PXK: variants seen among roughly 807,000 people sequenced by gnomAD.
The protein encoded by PXK is PX domain-containing protein kinase-like protein.
A neutral mutation model predicts 84.7 loss-of-function variants in PXK; 35 were observed. The ratio of observed to expected loss-of-function variants is 0.41; its 90% CI spans 0.32 to 0.55. The LOEUF (loss-of-function observed/expected upper bound fraction) is 0.55, where lower values mean the gene tolerates loss of function less well. Among genes scored for constraint, PXK ranks in the 20% least tolerant of loss-of-function variants. PXK has a pLI of 0.21. For missense variants in PXK, 634 were observed against 699.7 expected (o/e 0.91, Z 1.06); for synonymous variants, 253 against 260.8 (o/e 0.97, Z 0.29).
At chr3:58,420,398 T>G in intron 17 of PXK, 1 of 1,096,334 alleles carries the variant, frequency 9.1e-7, no homozygotes, top group Non-Finnish European at 1.3e-6. Context: ...TTTGAGTATA[T>G]CCTAGTTTCG....
At chr3:58,342,649 AAAG>A (rs2097758337) in intron 1 of PXK, among the ~76,000 whole-genome samples, 1 of 149,132 alleles carries the variant, frequency 6.7e-6, no homozygotes, top group Non-Finnish European at 1.5e-5. Flanking sequence ...AAAAAAAAAA[AAAG>A]AAAAGAAAAA....
At chr3:58,422,227 G>T (rs2062000825) in intron 17 of PXK, 4 of 985,286 alleles carry the variant, frequency 4.1e-6, no homozygotes, top group South Asian at 9.4e-5. Context: ...CCAGGTCTGT[G>T]TTCCTGCCTC....
At chr3:58,360,613 C>G (rs907039356) in intron 1 of PXK, among the ~76,000 whole-genome samples, 1 of 152,196 alleles carries the variant, frequency 6.6e-6, no homozygotes, top group African/African-American at 2.4e-5. Flanking sequence ...GGGCAGATCA[C>G]TTGAGTCCAG....
In PXK at chr3:58,369,426, T is replaced by G; in HGVS notation, c.154-5T>G. The G allele has an allele frequency of 6.2e-7, 1 of 1,604,980 alleles. No individual in the cohort carries two copies. On this transcript the variant is annotated splice_region_variant and splice_polypyrimidine_tract_variant and intron_variant, in intron 2 of 17. Transcript: ENST00000356151. ...AATCAAAACACTACTTCTTGTCTCT[T>G]ACAGATTGTTAGAAGATACAGTGAC...
At chr3:58,384,945 A>T (rs754165885) in intron 4 of PXK, among the ~76,000 whole-genome samples, 8 of 152,158 alleles carry the variant, frequency 5.3e-5, no homozygotes, top group Non-Finnish European at 1.0e-4. Flanking sequence ...AGTTCACCTA[A>T]GGCCCCCAGA....
rs2060606833 is a variant in PXK at position 58,414,042 on chromosome 3, G to C, written c.1528+1079G>C. 6.6e-6 allele frequency: 1 copy of C among 152,112 alleles called. No individual in the cohort carries two copies. The highest frequency in any genetic ancestry group is 1.5e-5 in the Non-Finnish European group (1 of 68,030). The allele number at this position is 152,112 out of a possible 1,614,324, so 9.4% of individuals were successfully genotyped here. Reference sequence around the variant, plus strand: ...TGGGTAGCAAAGTACCTGGTCCATGGGAGGATATTCTTGTCCTTATCTTTG... The same window carrying C: ...TGGGTAGCAAAGTACCTGGTCCATGCGAGGATATTCTTGTCCTTATCTTTG... On this transcript the variant is annotated intron_variant, in intron 17 of 17. Transcript: ENST00000356151. The surrounding 1 kb of genome is among the most constrained non-coding windows in gnomAD (Gnocchi z 4.5).
At chr3:58,342,793 A>G (rs572833917) in intron 1 of PXK, among the ~76,000 whole-genome samples, 1 of 152,320 alleles carries the variant, frequency 6.6e-6, no homozygotes, top group South Asian at 2.1e-4. Flanking sequence ...ATTTAGAACA[A>G]TAGATGAACT....
chr3:58,356,672 C>T (rs539665436), intron 1 of PXK, among the ~76,000 whole-genome samples: 189 of 151,490 alleles, frequency 1.2e-3, no homozygotes, highest in African/African-American at 4.0e-3. Flanking sequence ...GGTGCAATCT[C>T]GGCTCACCAC....
chr3:58,341,154 A>G (rs1027347282), intron 1 of PXK, among the ~76,000 whole-genome samples: 11 of 152,154 alleles, frequency 7.2e-5, no homozygotes, highest in Non-Finnish European at 1.0e-4. Flanking sequence ...TCTTTGGTAA[A>G]TACTTGGACC....
rs1273909052 is a variant in PXK at position 58,385,014 on chromosome 3, TA to T, written c.388+2316del. On this transcript the variant is annotated intron_variant, in intron 4 of 17. Transcript: ENST00000356151. This position sits in a 1 kb window ranked among gnomAD's most constrained non-coding sequence, Gnocchi z 5.1. Reference sequence around the variant, plus strand: ...GTGACTTTAGTCTGGTCTGAGTGTTTAAGTTAAAATGCTTTGTAACTCCTAG... The same window carrying T: ...GTGACTTTAGTCTGGTCTGAGTGTTTAGTTAAAATGCTTTGTAACTCCTAG... Among the ~76,000 whole-genome samples the T allele has an allele frequency of 2.0e-5, 3 of 152,210 alleles. No individual in the cohort carries two copies. The highest frequency in any genetic ancestry group is 4.4e-5 in the Non-Finnish European group (3 of 68,030).
chr3:58,338,563 C>A (rs2097666437), intron 1 of PXK, among the ~76,000 whole-genome samples: 1 of 151,850 alleles, frequency 6.6e-6, no homozygotes, highest in East Asian at 2.0e-4. Context: ...GTGACGGTTG[C>A]AGTGAGCCAA....
At chr3:58,422,852 C>T (rs2062132846) in intron 17 of PXK, 1 of 985,352 alleles carries the variant, frequency 1.0e-6, no homozygotes. Context: ...AGTACCGCCG[C>T]AGCCGAGAGC....
intron 17 of PXK, chr3:58,422,766 C>T: frequency 1.0e-6 from 1 of 985,376 alleles, no homozygotes. Flanking sequence ...GGCCCGTCTC[C>T]AGCCCCCCAA....
rs184446312 is a variant in PXK, at chr3:58,388,040, G to A, written c.389-2542G>A. Among the ~76,000 whole-genome samples the A allele has an allele frequency of 1.4e-3, 206 of 152,308 alleles. 1 individual carries two copies. The highest frequency in any genetic ancestry group is 4.7e-3 in the African/African-American group (196 of 41,568). The stretch of plus-strand genomic sequence containing the variant: ...GGTCTTGATTTGGGCAAGGAAGTGG[G>A]GAACCAGTAAAGGCTTCTAAGCAAA... On this transcript the variant is annotated intron_variant, in intron 4 of 17. Transcript: ENST00000356151.
intron 13 of PXK, among the ~76,000 whole-genome samples, chr3:58,406,562 C>G (rs1020564778): frequency 6.6e-6 from 1 of 152,154 alleles, no homozygotes; most frequent in Non-Finnish European, 1.5e-5. Context: ...TGTGCCTGAC[C>G]TAATTTTTAA....
At chr3:58,410,795 T>C (rs974269382) in intron 16 of PXK, among the ~76,000 whole-genome samples, 2 of 152,148 alleles carry the variant, frequency 1.3e-5, no homozygotes, top group African/African-American at 4.8e-5. Context: ...AGAGCCCACA[T>C]AGAGAAGGGA....
rs945354493 is a variant in PXK at position 58,421,048 on chromosome 3, G to A, written c.1529-3704G>A. ...TTTGTAAGCATCCTTTATAATTCTC[G>A]AGCTGTGACAGGAGTACAGCCTCCT... On this transcript the variant is annotated intron_variant, in intron 17 of 17. Coordinates refer to ENST00000356151, the MANE Select transcript of PXK (RefSeq NM_017771.5). This position sits in a 1 kb window ranked among gnomAD's most constrained non-coding sequence, Gnocchi z 5.5. 13 of 1,000,876 alleles carry A rather than the reference G, an allele frequency of 1.3e-5. No homozygotes were observed. In the Admixed American group the frequency reaches 1.7e-4, roughly 13 times the overall value. The allele number at this position is 1,000,876 out of a possible 1,614,324, so 62.0% of individuals were successfully genotyped here.
At chr3:58,420,419 A>T in intron 17 of PXK, 1 of 1,304,008 alleles carries the variant, frequency 7.7e-7, no homozygotes, top group Admixed American at 2.0e-5. Flanking sequence ...AAGTGAGAAT[A>T]ATCAGCTTGT....
intron 3 of PXK, among the ~76,000 whole-genome samples, chr3:58,371,451 T>C (rs909339793): frequency 6.6e-6 from 1 of 152,252 alleles, no homozygotes; most frequent in African/African-American, 2.4e-5. Flanking sequence ...ACAGTGGGCC[T>C]ACTAACTGTT....
Sources: gnomAD v4.1 joint callset for allele counts (sites outside exome capture counted in the v4.1 genomes callset) on GRCh38, gnomAD v4.1.1 for gene constraint, Gnocchi (gnomAD v3.1) non-coding constraint, MANE v1.5 for transcripts, NCBI Gene and HGNC (gene_info 2026-07-23, HGNC 2026-07-21) for gene names.